Variants in UST observed in about 807,000 individuals in gnomAD.
The protein encoded by UST is uronyl 2-sulfotransferase, also known as chondroitin sulfate 2-O-sulfotransferase.
UST carries 21 observed loss-of-function variants against 45.6 expected under a neutral mutation model. The observed-to-expected ratio is 0.46, with a 90% CI of 0.33 to 0.66. UST has a LOEUF of 0.66. Among genes scored for constraint, UST ranks in the 30% least tolerant of loss-of-function variants. The pLI is 0.02. For missense variants in UST, 463 were observed against 512.4 expected, an observed-to-expected ratio of 0.90 and a Z score of 0.93; for synonymous variants, 215 against 200.6, an observed-to-expected ratio of 1.07 and a Z score of -0.61.
In UST at chr6:149,076,405, A is replaced by G. The variant is rs1228514043; in HGVS notation, c.*2289A>G. 6.6e-6 allele frequency: 1 copy of G among 152,210 alleles called. No homozygotes were observed. Among genetic ancestry groups the G allele is most frequent in the Non-Finnish European group, 1.5e-5 (1 of 68,032 alleles). The allele number at this position is 152,210 out of a possible 1,614,324, so 9.4% of individuals were successfully genotyped here. ...TTGGGACAATTGGTCGTTCAAAAAC[A>G]TTCATCCTCTTACTGCAAGTTTATC... On this transcript the variant is annotated 3_prime_UTR_variant, in exon 8 of 8. Transcript: ENST00000367463.
At chr6:148,767,875 C>T (rs114919937) in intron 1 of UST, among the ~76,000 whole-genome samples, 1,616 of 152,220 alleles carry the variant, frequency 0.011, 30 homozygotes, top group African/African-American at 0.037. Context: ...TTCATGGTGG[C>T]AGAGTGGCCT....
intron 1 of UST, among the ~76,000 whole-genome samples, chr6:148,773,386 G>A (rs867297757): frequency 5.3e-5 from 8 of 151,974 alleles, no homozygotes; most frequent in South Asian, 2.1e-4. Flanking sequence ...GCTTGAACCC[G>A]GGAAGTAGAG....
chr6:149,021,622 G>T (rs889949052), intron 7 of UST, 141 bp downstream of exon 7: 27 of 1,005,482 alleles, frequency 2.7e-5, no homozygotes, highest in Non-Finnish European at 3.6e-5. Flanking sequence ...GCTTGCAAAG[G>T]AAAGTTAGAA....
chr6:148,908,296 A>C (rs1779406920), intron 2 of UST, among the ~76,000 whole-genome samples: 1 of 152,200 alleles, frequency 6.6e-6, no homozygotes, highest in Non-Finnish European at 1.5e-5. Flanking sequence ...AGGTATATAT[A>C]GTATATTTTT....
At chr6:148,902,444 C>T (rs1415758624) in intron 2 of UST, among the ~76,000 whole-genome samples, 2 of 151,786 alleles carry the variant, frequency 1.3e-5, no homozygotes, top group East Asian at 1.9e-4. Context: ...CTATGTTGCC[C>T]AGCCAGGTCT....
intron 7 of UST, among the ~76,000 whole-genome samples, chr6:149,054,813 T>G (rs1776538382): frequency 6.6e-6 from 1 of 152,190 alleles, no homozygotes; most frequent in Admixed American, 6.5e-5. Context: ...TTTTTATTTG[T>G]TCTGGGTGTT....
At chr6:148,992,221 G>A (rs1253267409) in intron 5 of UST, among the ~76,000 whole-genome samples, 1 of 152,122 alleles carries the variant, frequency 6.6e-6, no homozygotes, top group South Asian at 2.1e-4. Flanking sequence ...TTAGAGTCCC[G>A]AGGCCGATCG....
chr6:148,865,135 A>G (rs1352477950), intron 1 of UST, among the ~76,000 whole-genome samples: 2 of 152,200 alleles, frequency 1.3e-5, no homozygotes, highest in Non-Finnish European at 2.9e-5. Flanking sequence ...GGTGGTACAT[A>G]CAGTACTTCG....
At chr6:148,892,914 A>G (rs939321662) in intron 2 of UST, among the ~76,000 whole-genome samples, 18 of 152,182 alleles carry the variant, frequency 1.2e-4, no homozygotes, top group Non-Finnish European at 2.4e-4. Context: ...GGTCTGCTGG[A>G]CCCATATGGT....
chr6:148,938,702 A>G (rs1457664851), intron 2 of UST, among the ~76,000 whole-genome samples: 1 of 152,024 alleles, frequency 6.6e-6, no homozygotes, highest in Non-Finnish European at 1.5e-5. Flanking sequence ...ATGGAGAAAT[A>G]TCTTTATTGC....
intron 5 of UST, among the ~76,000 whole-genome samples, chr6:149,001,320 C>A (rs1661865968): frequency 6.6e-6 from 1 of 152,186 alleles, no homozygotes; most frequent in African/African-American, 2.4e-5. Context: ...ATCTGCCCAC[C>A]TTGGCCTCCC....
intron 1 of UST, among the ~76,000 whole-genome samples, chr6:148,840,592 A>G (rs2114771959): frequency 6.6e-6 from 1 of 152,270 alleles, no homozygotes; most frequent in East Asian, 1.9e-4. Context: ...GTGGACTCTG[A>G]GGGACCTGTG....
At chr6:148,807,733 G>A (rs184741106) in intron 1 of UST, among the ~76,000 whole-genome samples, 24 of 152,252 alleles carry the variant, frequency 1.6e-4, no homozygotes, top group Admixed American at 1.2e-3. Flanking sequence ...TTTCATATTG[G>A]GAAATCATGA....
Position 148,905,550 on chromosome 6 carries a change from C to T in UST, c.291+18521C>T, listed in dbSNP as rs1779340407. Reference sequence around the variant, plus strand: ...CTCCCCATTGGCTCCCTTCCCCTCCCCAGCCCCCATTAAGGGGAAATTGGG... The same window carrying T: ...CTCCCCATTGGCTCCCTTCCCCTCCTCAGCCCCCATTAAGGGGAAATTGGG... On this transcript the variant is annotated intron_variant, in intron 2 of 7. Coordinates refer to ENST00000367463, the MANE Select transcript of UST (RefSeq NM_005715.3). Among the ~76,000 whole-genome samples, 3 of 152,262 alleles carry T rather than the reference C, an allele frequency of 2.0e-5. No homozygotes were observed. In the South Asian group the frequency reaches 6.2e-4, roughly 31 times the overall value.
At chr6:148,849,723 A>G (rs1778069313) in intron 1 of UST, among the ~76,000 whole-genome samples, 1 of 152,194 alleles carries the variant, frequency 6.6e-6, no homozygotes, top group African/African-American at 2.4e-5. Flanking sequence ...CTCACTCACT[A>G]TCATGAGAAC....
rs1308932380 is a variant in UST, at chr6:149,075,180, A to T, written c.*1064A>T. The T allele has an allele frequency of 6.6e-6, 1 of 152,230 alleles. No homozygotes were observed. Among genetic ancestry groups the T allele is most frequent in the Admixed American group, 6.5e-5 (1 of 15,278 alleles). The allele number at this position is 152,230 out of a possible 1,614,324, so 9.4% of individuals were successfully genotyped here. On this transcript the variant is annotated 3_prime_UTR_variant, in exon 8 of 8. Transcript: ENST00000367463. ...TTTAGCTCAGGCATTTGACTCCTACAGCAGAAGTTCTGAGCCTGACCACAG... is the reference window on the plus strand; with the variant it reads ...TTTAGCTCAGGCATTTGACTCCTACTGCAGAAGTTCTGAGCCTGACCACAG...
chr6:148,856,446 A>T (rs1778207172), intron 1 of UST, among the ~76,000 whole-genome samples: 1 of 152,242 alleles, frequency 6.6e-6, no homozygotes, highest in Admixed American at 6.5e-5. Context: ...GTTATATATC[A>T]AAGTACGCAT....
chr6:149,072,664 A>G (rs1486066306), intron 7 of UST, among the ~76,000 whole-genome samples: 11 of 152,270 alleles, frequency 7.2e-5, no homozygotes, highest in Admixed American at 1.3e-4. Flanking sequence ...AAAAAAAAAA[A>G]AAAAGGAATG....
At chr6:149,063,332 TATC>T (rs1776683148) in intron 7 of UST, among the ~76,000 whole-genome samples, 1 of 152,186 alleles carries the variant, frequency 6.6e-6, no homozygotes, top group Admixed American at 6.5e-5. Context: ...TTTCAATAGT[TATC>T]ATAAAATTAA....
Sources: allele counts gnomAD v4.1 joint callset (sites outside exome capture counted in the v4.1 genomes callset), GRCh38; gene constraint gnomAD v4.1.1; transcripts MANE v1.5; gene names NCBI Gene and HGNC (gene_info 2026-07-23, HGNC 2026-07-21).